MYRF: variants seen among roughly 807,000 people sequenced by gnomAD.
The protein encoded by MYRF is myelin regulatory factor.
Under a neutral mutation model 126.3 loss-of-function variants are expected in MYRF, and 16 were observed. The ratio of observed to expected loss-of-function variants is 0.13; its 90% CI spans 0.09 to 0.19. The LOEUF (loss-of-function observed/expected upper bound fraction) is 0.19. MYRF is among the 10% of genes least tolerant of loss of function. The probability of loss-of-function intolerance (pLI) is 1.00; values close to 1 mark genes in which losing one functional copy is unlikely to be tolerated. For missense variants in MYRF, 1,104 were observed against 1,547.0 expected, an observed-to-expected ratio of 0.71 and a Z score of 4.80; for synonymous variants, 608 against 635.3, an observed-to-expected ratio of 0.96 and a Z score of 0.65.
rs1375318064 is a variant in MYRF, at chr11:61,776,579, A to C, written c.1499+147A>C. On this transcript the variant is annotated intron_variant, in intron 10 of 26. Coordinates refer to ENST00000278836, the MANE Select transcript of MYRF (RefSeq NM_001127392.3). This position sits in a 1 kb window ranked among gnomAD's most constrained non-coding sequence, Gnocchi z 4.3. ...AGATTTAGAGCCCTTCATTGACTTA[A>C]GGATGGGAAGAGCAGAAGCCTGGCT... 6 of 763,308 alleles carry C rather than the reference A, an allele frequency of 7.9e-6. No individual in the cohort carries two copies. In the East Asian group the frequency reaches 1.4e-4, roughly 17 times the overall value. 47.3% of individuals were successfully genotyped at this position (763,308 alleles called of 1,614,324 possible).
chr11:61,772,289 C>T (rs988570780), intron 7 of MYRF, among the ~76,000 whole-genome samples: 5 of 152,186 alleles, frequency 3.3e-5, no homozygotes, highest in Non-Finnish European at 7.4e-5. Flanking sequence ...AAGCTGGGCC[C>T]TCCCGGCAGC....
chr11:61,777,455 C>T lies in MYRF; in HGVS notation c.1782C>T (p.His594=). The T allele has an allele frequency of 6.3e-7, 1 of 1,581,728 alleles. No homozygotes were observed. The highest frequency in any genetic ancestry group is 8.6e-7 in the Non-Finnish European group (1 of 1,162,226). ...CCTCCGACCTGCGCGCCAAGGAACA[C>T]GTGCAGGAGGTGGGGACAGGGCTGT... ...MHPSDLRAKE[H]VQEVDTTEQL... Residue 594 remains histidine (H), a synonymous_variant, in exon 12 of 27, where the codon CAC becomes CAT. Transcript: ENST00000278836. This position sits in a 1 kb window ranked among gnomAD's most constrained non-coding sequence, Gnocchi z 8.8.
Position 61,771,650 on chromosome 11 carries a change from GCCTCCCC to G in MYRF, c.892_898del (p.Pro298ArgfsTer105), listed in dbSNP as rs1203480564. 2.5e-6 allele frequency: 4 copies of G among 1,613,890 alleles called. No individual in the cohort carries two copies. Among genetic ancestry groups the G allele is most frequent in the Non-Finnish European group, 3.4e-6 (4 of 1,179,992 alleles). ...CCACTCGAGCCCCATCGCCACCCTG[GCCTCCCC>G]AGGGTCCGCTCTCCCCGGGCCCTGG... On this transcript the variant is annotated frameshift_variant, in exon 6 of 27. Coordinates refer to ENST00000278836, the MANE Select transcript of MYRF (RefSeq NM_001127392.3). LOFTEE classifies it high-confidence loss of function.
At position 61,771,500 on chromosome 11, in the gene MYRF, G is replaced by C. The variant is rs1680023650; in HGVS notation, c.741G>C (p.Glu247Asp). Reference protein sequence around the residue: ...LHQLLQQHGAELPTHPSKKRK... With the variant: ...LHQLLQQHGADLPTHPSKKRK... ...ACGGCGCACACTTCTGTTTCCCCAG[G>C]CTCCCTACACACCCCTCCAAGAAGA... is the stretch of plus-strand genomic sequence containing the variant. Residue 247 changes from glutamate (E) to aspartate (D), a missense_variant and splice_region_variant, in exon 6 of 27, where the codon GAG (glutamate) becomes GAC (aspartate). Glu to Asp is a conservative substitution (Grantham distance 45). This residue lies in a region of MYRF where 368 missense variants were observed against 403.9 expected (regional missense o/e 0.91). Coordinates refer to ENST00000278836, the MANE Select transcript of MYRF (RefSeq NM_001127392.3). 1 of 1,609,942 alleles carries C rather than the reference G, an allele frequency of 6.2e-7. No homozygotes were observed. Among genetic ancestry groups the C allele is most frequent in the African/African-American group, 1.3e-5 (1 of 74,708 alleles).
chr11:61,783,427 A>G lies in MYRF; in HGVS notation c.3017-71A>G. ...TACTAAGGTGTGAGTGACTGCTTCAAGTCTGGCAAGGAAAGACTTGCCAGC... is the reference window on the plus strand; with the variant it reads ...TACTAAGGTGTGAGTGACTGCTTCAGGTCTGGCAAGGAAAGACTTGCCAGC... On this transcript the variant is annotated intron_variant, in intron 22 of 26. Coordinates refer to ENST00000278836, the MANE Select transcript of MYRF (RefSeq NM_001127392.3). This position sits in a 1 kb window ranked among gnomAD's most constrained non-coding sequence, Gnocchi z 4.6. 8.1e-7 allele frequency: 1 copy of G among 1,236,540 alleles called. No homozygotes were observed. The highest frequency in any genetic ancestry group is 1.2e-6 in the Non-Finnish European group (1 of 848,876). 76.6% of individuals were successfully genotyped at this position (1,236,540 alleles called of 1,614,324 possible).
chr11:61,777,251 C>A lies in MYRF; in HGVS notation c.1591-13C>A, dbSNP rs770733687. On this transcript the variant is annotated splice_polypyrimidine_tract_variant and intron_variant, in intron 11 of 26. Transcript: ENST00000278836. This position sits in a 1 kb window ranked among gnomAD's most constrained non-coding sequence, Gnocchi z 8.8. ...CTATCCCCCAGGACTGATCCAGCCC[C>A]AACTCGCGGTAGGCCTCCAACCCAG... The A allele has an allele frequency of 1.8e-5, 29 of 1,609,384 alleles. No individual in the cohort carries two copies. The Admixed American group carries it at 4.8e-4, about 27-fold the overall frequency.
chr11:61,777,320 G>A lies in MYRF; in HGVS notation c.1647G>A (p.Gln549=). ...GCGATGTGTTGTGGCAGCGGGCACA[G>A]GTGCCCGACACCGTCTTCCACCACG... ...SDSDVLWQRA[Q]VPDTVFHHGR... The change falls in exon 12 of 27, where the codon CAG becomes CAA. Residue 549 remains glutamine (Q), a synonymous_variant. Transcript: ENST00000278836. The surrounding 1 kb of genome is among the most constrained non-coding windows in gnomAD (Gnocchi z 8.8). The A allele has an allele frequency of 6.2e-7, 1 of 1,613,386 alleles. No individual in the cohort carries two copies. Among genetic ancestry groups the A allele is most frequent in the Non-Finnish European group, 8.5e-7 (1 of 1,180,036 alleles).
In MYRF at chr11:61,776,901, C is replaced by G. The variant is rs371083087; in HGVS notation, c.1590+24C>G. 3.3e-5 allele frequency: 52 copies of G among 1,564,064 alleles called. No homozygotes were observed. The highest frequency in any genetic ancestry group is 4.5e-5 in the Non-Finnish European group (52 of 1,153,948). On this transcript the variant is annotated intron_variant, in intron 11 of 26. Transcript: ENST00000278836. This position sits in a 1 kb window ranked among gnomAD's most constrained non-coding sequence, Gnocchi z 4.3. ...GGGTGAGGGCCACCTCCTCCCAGGGCGTAGACAGCCCTCCCCAGGACTGGG... is the reference window on the plus strand; with the variant it reads ...GGGTGAGGGCCACCTCCTCCCAGGGGGTAGACAGCCCTCCCCAGGACTGGG...
Position 61,778,634 on chromosome 11 carries a change from T to G in MYRF, c.2013+145T>G. ...CTCATGCTGCCTCCAGAGCGCCCTC[T>G]GCACCCCACAGGGAAGGGGTGAGTG... On this transcript the variant is annotated intron_variant, in intron 14 of 26. Transcript: ENST00000278836. The surrounding 1 kb of genome is among the most constrained non-coding windows in gnomAD (Gnocchi z 4.6). 1 of 683,092 alleles carries G rather than the reference T, an allele frequency of 1.5e-6. No individual in the cohort carries two copies. Among genetic ancestry groups the G allele is most frequent in the Non-Finnish European group, 2.7e-6 (1 of 374,118 alleles). The allele number at this position is 683,092 out of a possible 1,614,324, so 42.3% of individuals were successfully genotyped here.
Position 61,783,829 on chromosome 11 carries a change from G to T in MYRF, c.3120-22G>T. The T allele has an allele frequency of 6.3e-7, 1 of 1,583,836 alleles. No individual in the cohort carries two copies. Among genetic ancestry groups the T allele is most frequent in the African/African-American group, 1.3e-5 (1 of 74,536 alleles). On this transcript the variant is annotated intron_variant, in intron 23 of 26. Coordinates refer to ENST00000278836, the MANE Select transcript of MYRF (RefSeq NM_001127392.3). This position sits in a 1 kb window ranked among gnomAD's most constrained non-coding sequence, Gnocchi z 4.6. ...GGGTGGCAGGGTACCCTCAGGCTAA[G>T]GTGCCAGTTTTGCCCCTGCAGGCCT...
rs757599278 is a variant in MYRF, at chr11:61,776,902, G to A, written c.1590+25G>A. 3.8e-6 allele frequency: 6 copies of A among 1,562,612 alleles called. No homozygotes were observed. Among genetic ancestry groups the A allele is most frequent in the Non-Finnish European group, 5.2e-6 (6 of 1,152,680 alleles). ...GGTGAGGGCCACCTCCTCCCAGGGC[G>A]TAGACAGCCCTCCCCAGGACTGGGA... On this transcript the variant is annotated intron_variant, in intron 11 of 26. Coordinates refer to ENST00000278836, the MANE Select transcript of MYRF (RefSeq NM_001127392.3). The surrounding 1 kb of genome is among the most constrained non-coding windows in gnomAD (Gnocchi z 4.3).
Position 61,786,074 on chromosome 11 carries a change from C to G in MYRF, c.3387C>G (p.Asn1129Lys). 6.2e-7 allele frequency: 1 copy of G among 1,614,236 alleles called. No homozygotes were observed. Among genetic ancestry groups the G allele is most frequent in the Admixed American group, 1.7e-5 (1 of 60,028 alleles). Reference sequence around the variant, plus strand: ...GCCCTTCCACCCAGGGTCAGGCCAACTGCAGTTCAGAGGCTCTCGCCCAGC... The same window carrying G: ...GCCCTTCCACCCAGGGTCAGGCCAAGTGCAGTTCAGAGGCTCTCGCCCAGC... ...HFRVALLGQA[N>K]CSSEALAQPA... Residue 1129 changes from asparagine (N) to lysine (K), a missense_variant, in exon 27 of 27, where the codon AAC becomes AAG. Asn to Lys is a moderately conservative substitution (Grantham distance 94, BLOSUM62 0). Coordinates refer to ENST00000278836, the MANE Select transcript of MYRF (RefSeq NM_001127392.3). The surrounding 1 kb of genome is among the most constrained non-coding windows in gnomAD (Gnocchi z 4.5).
rs544011389 is a variant in MYRF, at chr11:61,757,487, A to G, written c.46+4697A>G. 1 of 456,226 alleles carries G rather than the reference A, an allele frequency of 2.2e-6. No homozygotes were observed. The highest frequency in any genetic ancestry group is 4.4e-6 in the Non-Finnish European group (1 of 226,790). 28.3% of individuals were successfully genotyped at this position (456,226 alleles called of 1,614,324 possible). On this transcript the variant is annotated intron_variant, in intron 1 of 26. Transcript: ENST00000278836. This position sits in a 1 kb window ranked among gnomAD's most constrained non-coding sequence, Gnocchi z 4.7. Reference sequence around the variant, plus strand: ...GTCCATGGCAGGTGTTCTGCGCCCTACCTTGAAGATTACTGGTCCCCAGGG... The same window carrying G: ...GTCCATGGCAGGTGTTCTGCGCCCTGCCTTGAAGATTACTGGTCCCCAGGG...
At chr11:61,784,016 GGA>G in intron 24 of MYRF, 91 bp downstream of exon 24, 1 of 1,420,678 alleles carries the variant, frequency 7.0e-7, no homozygotes, top group Non-Finnish European at 9.7e-7. Context: ...GAGGACAGCC[GGA>G]GAGTCTCTGG....
Position 61,779,440 on chromosome 11 carries a change from G to A in MYRF, c.2174+17G>A, listed in dbSNP as rs1202925604. 2 of 1,550,518 alleles carry A rather than the reference G, an allele frequency of 1.3e-6. No homozygotes were observed. Among genetic ancestry groups the A allele is most frequent in the Non-Finnish European group, 1.7e-6 (2 of 1,146,412 alleles). On this transcript the variant is annotated intron_variant, in intron 15 of 26. Coordinates refer to ENST00000278836, the MANE Select transcript of MYRF (RefSeq NM_001127392.3). ...CGCCTTCAGGTAGGGGTGCGGGGTG[G>A]GGGAAGGTGAGACCCTTCTTCCCAG...
At chr11:61,780,618 C>T (rs980883143) in intron 18 of MYRF, 94 bp from the exon 19 acceptor site, 46 of 1,277,276 alleles carry the variant, frequency 3.6e-5, no homozygotes, top group Non-Finnish European at 4.9e-5. Context: ...TGTGAGCCCA[C>T]TGTCACCCCC....
rs532065630 is a variant in MYRF at position 61,784,987 on chromosome 11, T to C, written c.3300+602T>C. On this transcript the variant is annotated intron_variant, in intron 25 of 26. Transcript: ENST00000278836. ...AGTAGTGATTATTTTTTCTTGCCCA[T>C]TCATGTGTTTACTCAGAAAATATTG... 4 of 152,990 alleles carry C rather than the reference T, an allele frequency of 2.6e-5. 1 individual carries two copies. The highest frequency in any genetic ancestry group is 4.1e-4 in the South Asian group (2 of 4,856). The allele number at this position is 152,990 out of a possible 1,614,324, so 9.5% of individuals were successfully genotyped here.
rs531398677 is a variant in MYRF, at chr11:61,763,758, G to A, written c.47-1867G>A. ...CGGGCGCCTGTAATCTCAGCTACTC[G>A]GGAGGCTGAGGTGGGAGAATCGCTG... On this transcript the variant is annotated intron_variant, in intron 1 of 26. Transcript: ENST00000278836. Among the ~76,000 whole-genome samples, 14 of 152,194 alleles carry A rather than the reference G, an allele frequency of 9.2e-5. No homozygotes were observed. In the South Asian group the frequency reaches 1.7e-3, roughly 18 times the overall value.
chr11:61,779,907 CCTG>C lies in MYRF; in HGVS notation c.2314_2316del (p.Leu772del). ...GCTTCCTGCAGGGAACCATCATTGC[CCTG>C]GTGGTGGTCATGGCCTTCAGGTGAC... On this transcript the variant is annotated inframe_deletion, in exon 17 of 27. Transcript: ENST00000278836. 6.2e-7 allele frequency: 1 copy of C among 1,614,072 alleles called. No individual in the cohort carries two copies. The highest frequency in any genetic ancestry group is 8.5e-7 in the Non-Finnish European group (1 of 1,179,946).
Sources: allele counts gnomAD v4.1 joint callset (sites outside exome capture counted in the v4.1 genomes callset), GRCh38; gene constraint gnomAD v4.1.1; regional missense constraint gnomAD v4.1.1; non-coding constraint Gnocchi (gnomAD v3.1); transcripts MANE v1.5; gene names NCBI Gene and HGNC (gene_info 2026-07-23, HGNC 2026-07-21).